The following PTPN23 variants were observed in gnomAD, a reference collection of about 807,000 sequenced individuals.
PTPN23 encodes the protein protein tyrosine phosphatase non-receptor type 23, also known as tyrosine-protein phosphatase non-receptor type 23.
In PTPN23, 72 loss-of-function variants were observed where a neutral mutation model predicts 156.3. That is an observed-to-expected ratio of 0.46 (90% CI 0.38 to 0.56). The LOEUF (loss-of-function observed/expected upper bound fraction) is 0.56, where lower values mean the gene tolerates loss of function less well. Ranked by LOEUF, PTPN23 falls within the 20% of genes least tolerant of loss-of-function variation. PTPN23 has a pLI of 0.00. For synonymous variants in PTPN23, 957 were observed against 899.6 expected (o/e 1.06, Z -1.14); for missense variants, 1,974 against 2,171.5 (o/e 0.91, Z 1.81).
rs751424693 is a variant in PTPN23, at chr3:47,410,019, C to G, written c.2221C>G (p.Pro741Ala). The G allele has an allele frequency of 6.2e-7, 1 of 1,609,116 alleles. No individual in the cohort carries two copies. Among genetic ancestry groups the G allele is most frequent in the Admixed American group, 1.7e-5 (1 of 59,098 alleles). The change falls in exon 20 of 25, where the codon CCC (proline) becomes GCC (alanine). Residue 741 changes from proline (P) to alanine (A), a missense_variant. This residue lies in a region of PTPN23 where 731 missense variants were observed against 669.1 expected (regional missense o/e 1.09). Transcript: ENST00000265562. Reference sequence around the variant, plus strand: ...GAGTGAGGCAGTGGAAGCAGGAGACCCCCCTGAGGAGCTGCGCAGCCTCCC... The same window carrying G: ...GAGTGAGGCAGTGGAAGCAGGAGACGCCCCTGAGGAGCTGCGCAGCCTCCC... Reference protein sequence around the residue: ...EESEAVEAGDPPEELRSLPPD... With the variant: ...EESEAVEAGDAPEELRSLPPD...
intron 2 of PTPN23, among the ~76,000 whole-genome samples, chr3:47,403,413 C>A (rs1258821612): frequency 6.6e-6 from 1 of 151,918 alleles, no homozygotes; most frequent in East Asian, 1.9e-4. Context: ...ATATGAGTAA[C>A]TAGAGACTCT....
rs779365651 is a variant in PTPN23, at chr3:47,406,377, G to A, written c.599G>A (p.Ser200Asn). 1.2e-6 allele frequency: 2 copies of A among 1,613,936 alleles called. No homozygotes were observed. Among genetic ancestry groups the A allele is most frequent in the Non-Finnish European group, 1.7e-6 (2 of 1,180,024 alleles). Residue 200 changes from serine (S) to asparagine (N), a missense_variant, in exon 7 of 25, where the codon AGC becomes AAC. Transcript: ENST00000265562. The surrounding 1 kb of genome is among the most constrained non-coding windows in gnomAD (Gnocchi z 5.8). ...LEKSMLDNRK[S>N]FLVARISAQV... is the part of the protein sequence containing the mutation. The stretch of plus-strand genomic sequence containing the variant: ...AAGTCGATGTTGGACAACAGGAAGA[G>A]CTTTCTGGTGGCCCGCATCAGTGCA...
At position 47,406,641 on chromosome 3, in the gene PTPN23, A is replaced by G. The variant is rs544983252; in HGVS notation, c.759+29A>G. 2.5e-6 allele frequency: 4 copies of G among 1,613,830 alleles called. No homozygotes were observed. Among genetic ancestry groups the G allele is most frequent in the East Asian group, 2.2e-5 (1 of 44,864 alleles). On this transcript the variant is annotated intron_variant, in intron 8 of 24. Transcript: ENST00000265562. This position sits in a 1 kb window ranked among gnomAD's most constrained non-coding sequence, Gnocchi z 5.8. ...AGGGCCTGGGGCCCCAGGGCGGGGCAGGGCGGGGCTGAGTGGCCACAGCTC... is the reference window on the plus strand; with the variant it reads ...AGGGCCTGGGGCCCCAGGGCGGGGCGGGGCGGGGCTGAGTGGCCACAGCTC...
Position 47,404,742 on chromosome 3 carries a change from A to G in PTPN23, c.250A>G (p.Met84Val). Residue 84 changes from methionine to valine, a missense_variant, in exon 3 of 25, where the codon ATG becomes GTG. Around this residue, in one of 4 missense-constraint regions of PTPN23, gnomAD observed 726 missense variants for 929.5 expected, o/e 0.78. Transcript: ENST00000265562. ...TCATTACCTGCAGAGTCGGGTCCCCATGGGCTCGGGCCAGGAGGCCGCTGT... is the reference window on the plus strand; with the variant it reads ...TCATTACCTGCAGAGTCGGGTCCCCGTGGGCTCGGGCCAGGAGGCCGCTGT... ...QLHYLQSRVP[M>V]GSGQEAAVPV... 1.2e-6 allele frequency: 2 copies of G among 1,613,762 alleles called. No homozygotes were observed. The highest frequency in any genetic ancestry group is 1.7e-6 in the Non-Finnish European group (2 of 1,180,018).
intron 14 of PTPN23, 104 bp from the exon 15 acceptor site, chr3:47,408,241 C>A: frequency 1.3e-6 from 2 of 1,495,706 alleles, no homozygotes; most frequent in South Asian, 1.3e-5. Flanking sequence ...TTGCTCTCTG[C>A]TGAGACCTCA....
At chr3:47,399,895 A>G (rs1704957499) in intron 2 of PTPN23, among the ~76,000 whole-genome samples, 1 of 152,122 alleles carries the variant, frequency 6.6e-6, no homozygotes. Flanking sequence ...GCTCATTGCA[A>G]CGTCTGCCTC....
At position 47,401,570 on chromosome 3, in the gene PTPN23, C is replaced by T. The variant is rs541593188; in HGVS notation, c.160-3082C>T. Among the ~76,000 whole-genome samples the T allele has an allele frequency of 3.9e-5, 6 of 152,174 alleles. No individual in the cohort carries two copies. The South Asian group carries it at 6.2e-4, about 16-fold the overall frequency. ...GTATTGAAAAAAACTGTGTGGCTAG[C>T]GCATCACACCTGTGATTTTAGAGCT... On this transcript the variant is annotated intron_variant, in intron 2 of 24. Coordinates refer to ENST00000265562, the MANE Select transcript of PTPN23 (RefSeq NM_015466.4).
chr3:47,413,222 C>CATCA lies in PTPN23; in HGVS notation c.*38_*41dup. The CATCA allele has an allele frequency of 6.4e-7, 1 of 1,572,854 alleles. No individual in the cohort carries two copies. ...CTACCTGGTCCTTACACTACATCAT[C>CATCA]ATCATCTCATGCCCACCTGCCCACA... On this transcript the variant is annotated 3_prime_UTR_variant, in exon 25 of 25. Coordinates refer to ENST00000265562, the MANE Select transcript of PTPN23 (RefSeq NM_015466.4).
chr3:47,412,040 G>C, intron 21 of PTPN23, 54 bp from the exon 22 acceptor site: 1 of 1,609,254 alleles, frequency 6.2e-7, no homozygotes, highest in Non-Finnish European at 8.5e-7. Context: ...AGGGATGAGA[G>C]CCTCAGGTCA....
rs761903796 is a variant in PTPN23 at position 47,412,873 on chromosome 3, C to A, written c.4599C>A (p.Ser1533Arg). Residue 1533 changes from serine (S) to arginine (R), a missense_variant, in exon 25 of 25, where the codon AGC becomes AGA. By Grantham distance (110) the Ser-to-Arg change is moderately radical (BLOSUM62 -1). Around this residue, in one of 4 missense-constraint regions of PTPN23, gnomAD observed 484 missense variants for 516.0 expected, o/e 0.94. Coordinates refer to ENST00000265562, the MANE Select transcript of PTPN23 (RefSeq NM_015466.4). Reference sequence around the variant, plus strand: ...AGCCCCCAGGCCTCCCGCCAGCCAGCCTCCCAGAGTCTACCCCAATCCCAT... The same window carrying A: ...AGCCCCCAGGCCTCCCGCCAGCCAGACTCCCAGAGTCTACCCCAATCCCAT... ...PAEPPGLPPA[S>R]LPESTPIPSS... 1 of 1,612,248 alleles carries A rather than the reference C, an allele frequency of 6.2e-7. No individual in the cohort carries two copies. The highest frequency in any genetic ancestry group is 1.1e-5 in the South Asian group (1 of 91,056).
In PTPN23 at chr3:47,409,953, C is replaced by T. The variant is rs746754206; in HGVS notation, c.2155C>T (p.Arg719Trp). 5.7e-6 allele frequency: 9 copies of T among 1,569,216 alleles called. No homozygotes were observed. In the Admixed American group the frequency reaches 5.8e-5, roughly 10 times the overall value. Residue 719 changes from arginine to tryptophan, a missense_variant, in exon 20 of 25, where the codon CGG becomes TGG. Coordinates refer to ENST00000265562, the MANE Select transcript of PTPN23 (RefSeq NM_015466.4). ...GGAGCTGAAGAAGAAGCCGCCGCCA[C>T]GGCCCACAGCCCCAAAGCCGCTGCT... ...DRELKKKPPP[R>W]PTAPKPLLPR...
chr3:47,412,905 CCCCG>C lies in PTPN23; in HGVS notation c.4635_4638del (p.Pro1547PhefsTer36). 2.0e-6 allele frequency: 3 copies of C among 1,514,692 alleles called. No individual in the cohort carries two copies. Among genetic ancestry groups the C allele is most frequent in the Non-Finnish European group, 2.7e-6 (3 of 1,093,750 alleles). The allele number at this position is 1,514,692 out of a possible 1,614,324, so 93.8% of individuals were successfully genotyped here. A position where few individuals can be genotyped will look rare whatever the true frequency, so the allele number is the denominator to read the frequency against. ...GAGTCTACCCCAATCCCATCTTCCT[CCCCG>C]CCCCCCCTTTCCTCCCCACTACCTG... is the stretch of plus-strand genomic sequence containing the variant. On this transcript the variant is annotated frameshift_variant, in exon 25 of 25. Coordinates refer to ENST00000265562, the MANE Select transcript of PTPN23 (RefSeq NM_015466.4). LOFTEE classifies it high-confidence loss of function.
chr3:47,409,923 C>A lies in PTPN23; in HGVS notation c.2130-5C>A. ...GGCCCCACTTTTTCCTTGCCTGTCG[C>A]ACAGGGAGCTGAAGAAGAAGCCGCC... On this transcript the variant is annotated splice_region_variant and splice_polypyrimidine_tract_variant and intron_variant, in intron 19 of 24. Coordinates refer to ENST00000265562, the MANE Select transcript of PTPN23 (RefSeq NM_015466.4). 1 of 1,570,172 alleles carries A rather than the reference C, an allele frequency of 6.4e-7. No homozygotes were observed. The highest frequency in any genetic ancestry group is 1.2e-5 in the South Asian group (1 of 84,344).
chr3:47,405,737 C>T lies in PTPN23; in HGVS notation c.365-12C>T. ...AGCCCCAGGCCCCTAACACTGTCCCCTCCCTCCCCAGGAGCGCTGCACTCC... is the reference window on the plus strand; with the variant it reads ...AGCCCCAGGCCCCTAACACTGTCCCTTCCCTCCCCAGGAGCGCTGCACTCC... On this transcript the variant is annotated splice_polypyrimidine_tract_variant and intron_variant, in intron 4 of 24. Coordinates refer to ENST00000265562, the MANE Select transcript of PTPN23 (RefSeq NM_015466.4). The surrounding 1 kb of genome is among the most constrained non-coding windows in gnomAD (Gnocchi z 4.7). 1 of 1,600,428 alleles carries T rather than the reference C, an allele frequency of 6.2e-7. No individual in the cohort carries two copies. The highest frequency in any genetic ancestry group is 1.3e-5 in the African/African-American group (1 of 74,588).
At position 47,381,031 on chromosome 3, in the gene PTPN23, T is replaced by C; in HGVS notation, c.-66T>C. 2 of 1,548,472 alleles carry C rather than the reference T, an allele frequency of 1.3e-6. No homozygotes were observed. Among genetic ancestry groups the C allele is most frequent in the South Asian group, 2.4e-5 (2 of 83,962 alleles). On this transcript the variant is annotated 5_prime_UTR_variant, in exon 1 of 25. Transcript: ENST00000265562. Reference sequence around the variant, plus strand: ...CCGGCACGAAGGGGCGGGGCTGGGCTCGTGGCTGAGCCAGCAGCTGCAGCA... The same window carrying C: ...CCGGCACGAAGGGGCGGGGCTGGGCCCGTGGCTGAGCCAGCAGCTGCAGCA...
At chr3:47,399,655 G>A (rs2107706784) in intron 2 of PTPN23, among the ~76,000 whole-genome samples, 1 of 152,308 alleles carries the variant, frequency 6.6e-6, no homozygotes, top group South Asian at 2.1e-4. Flanking sequence ...GCAATGGGCT[G>A]GGTAGAGCAG....
intron 1 of PTPN23, among the ~76,000 whole-genome samples, chr3:47,385,742 C>T (rs1238634443): frequency 1.3e-5 from 2 of 152,162 alleles, no homozygotes; most frequent in Non-Finnish European, 2.9e-5. Context: ...CAGTAACCCT[C>T]ATCCTCAAGT....
At chr3:47,400,872 C>CTTTTA (rs894787078) in intron 2 of PTPN23, among the ~76,000 whole-genome samples, 6 of 151,690 alleles carry the variant, frequency 4.0e-5, no homozygotes, top group African/African-American at 7.3e-5. Flanking sequence ...CAGCACCCGG[C>CTTTTA]TTTTATTTTA....
At chr3:47,393,114 G>C (rs1443025320) in intron 1 of PTPN23, among the ~76,000 whole-genome samples, 1 of 152,072 alleles carries the variant, frequency 6.6e-6, no homozygotes, top group African/African-American at 2.4e-5. Flanking sequence ...GGAAGTACAG[G>C]TGTGAACCAC....
Sources: gnomAD v4.1 joint callset for allele counts (sites outside exome capture counted in the v4.1 genomes callset) on GRCh38, gnomAD v4.1.1 for gene constraint, gnomAD v4.1.1 regional missense constraint, Gnocchi (gnomAD v3.1) non-coding constraint, MANE v1.5 for transcripts, NCBI Gene and HGNC (gene_info 2026-07-23, HGNC 2026-07-21) for gene names.